The following STX8 variants were observed in gnomAD, a reference collection of about 807,000 sequenced individuals.
STX8 encodes syntaxin-8.
A neutral mutation model predicts 37.5 loss-of-function variants in STX8; 23 were observed. That is an observed-to-expected ratio of 0.61 (90% CI 0.44 to 0.87). The LOEUF (loss-of-function observed/expected upper bound fraction) is 0.87. Ranked by LOEUF, STX8 falls within the 40% of genes least tolerant of loss-of-function variation. The pLI is 0.00. For synonymous variants in STX8, 115 were observed against 99.1 expected (o/e 1.16, Z -0.95); for missense variants, 313 against 284.7 (o/e 1.10, Z -0.71).
At chr17:9,356,847 C>T in intron 7 of STX8, among the ~76,000 whole-genome samples, 1 of 152,006 alleles carries the variant, frequency 6.6e-6, no homozygotes, top group Non-Finnish European at 1.5e-5. Context: ...TGGTGTGCAG[C>T]AGCGCATTTG....
At chr17:9,427,733 G>C (rs1171572620) in intron 6 of STX8, among the ~76,000 whole-genome samples, 3 of 152,200 alleles carry the variant, frequency 2.0e-5, no homozygotes, top group African/African-American at 7.2e-5. Context: ...GGTGGACACA[G>C]AGGGAAGATG....
chr17:9,289,704 C>T (rs575480074), intron 7 of STX8, among the ~76,000 whole-genome samples: 352 of 151,690 alleles, frequency 2.3e-3, no homozygotes, highest in African/African-American at 6.9e-3. Flanking sequence ...GGCATGAACC[C>T]GGGAGGTGGA....
chr17:9,445,368 G>A (rs981213091), intron 6 of STX8, among the ~76,000 whole-genome samples: 1 of 151,446 alleles, frequency 6.6e-6, no homozygotes, highest in Non-Finnish European at 1.5e-5. Flanking sequence ...GAGTTTGTTT[G>A]GTAAAAAACA....
At chr17:9,566,085 C>G (rs12451106) in intron 2 of STX8, among the ~76,000 whole-genome samples, 101,938 of 151,808 alleles carry the variant, frequency 0.67, 37,353 homozygotes, top group East Asian at 0.98. Context: ...TAGCCAGTAT[C>G]TATAAGGAAC....
At chr17:9,379,244 CA>C (rs34928127) in intron 6 of STX8, among the ~76,000 whole-genome samples, 26,212 of 76,016 alleles carry the variant, frequency 0.34, 2,374 homozygotes, top group African/African-American at 0.4. Flanking sequence ...GACTCCATCT[CA>C]AAAAAAAAAA....
chr17:9,540,336 A>G (rs1418657306), intron 4 of STX8, among the ~76,000 whole-genome samples: 1 of 152,194 alleles, frequency 6.6e-6, no homozygotes, highest in African/African-American at 2.4e-5. Context: ...GGACTTTTCT[A>G]CATAGCTTAT....
intron 6 of STX8, among the ~76,000 whole-genome samples, chr17:9,457,773 T>C (rs1475812854): frequency 2.0e-5 from 3 of 152,262 alleles, no homozygotes; most frequent in Non-Finnish European, 4.4e-5. Context: ...GTGAGACACC[T>C]CTTTCTGGTC....
chr17:9,553,049 T>C (rs1906832297), intron 3 of STX8: 1 of 152,170 alleles, frequency 6.6e-6, no homozygotes. Flanking sequence ...TTAAAATAAG[T>C]AAAGGTGCTG....
intron 7 of STX8, among the ~76,000 whole-genome samples, chr17:9,278,401 A>G (rs1219952760): frequency 6.6e-6 from 1 of 152,092 alleles, no homozygotes; most frequent in Non-Finnish European, 1.5e-5. Context: ...ATGAGCTGAG[A>G]TCACGCCATT....
chr17:9,444,842 A>T (rs1331817829), intron 6 of STX8, among the ~76,000 whole-genome samples: 2 of 152,218 alleles, frequency 1.3e-5, no homozygotes, highest in African/African-American at 2.4e-5. Context: ...TTACCCCGGA[A>T]AAGAATTGAA....
intron 7 of STX8, among the ~76,000 whole-genome samples, chr17:9,374,816 C>G (rs567525578): frequency 6.3e-4 from 96 of 152,154 alleles, no homozygotes; most frequent in Middle Eastern, 3.4e-3. Context: ...GTAATCCCAG[C>G]ACTTTGGGAG....
At chr17:9,278,146 G>A (rs944369055) in intron 7 of STX8, among the ~76,000 whole-genome samples, 9 of 151,694 alleles carry the variant, frequency 5.9e-5, no homozygotes, top group African/African-American at 1.7e-4. Flanking sequence ...TGGAGACAGA[G>A]GGATTGAAAC....
chr17:9,465,976 C>T (rs1905595639), intron 6 of STX8, among the ~76,000 whole-genome samples: 4 of 147,152 alleles, frequency 2.7e-5, no homozygotes, highest in Admixed American at 1.4e-4. Flanking sequence ...TTTTAGTATT[C>T]TTTTTTTTTT....
chr17:9,442,197 C>CA, intron 6 of STX8, among the ~76,000 whole-genome samples: 1 of 152,330 alleles, frequency 6.6e-6, no homozygotes, highest in Non-Finnish European at 1.5e-5. Context: ...CTGCCTGAGG[C>CA]AGAACCCAAT....
intron 6 of STX8, among the ~76,000 whole-genome samples, chr17:9,457,649 T>A (rs1368989841): frequency 6.6e-6 from 1 of 152,272 alleles, no homozygotes; most frequent in Admixed American, 6.5e-5. Context: ...TCTGTGCTCT[T>A]CCAGCCTCAA....
intron 6 of STX8, among the ~76,000 whole-genome samples, chr17:9,407,443 T>G (rs1912840414): frequency 6.6e-6 from 1 of 152,120 alleles, no homozygotes; most frequent in African/African-American, 2.4e-5. Context: ...ACAATAGAAA[T>G]GTGTTGACAA....
intron 1 of STX8, among the ~76,000 whole-genome samples, chr17:9,570,303 C>G (rs1337365088): frequency 1.3e-5 from 2 of 151,930 alleles, no homozygotes; most frequent in East Asian, 3.9e-4. Context: ...TGACCTGAGC[C>G]AGGTCCTATA....
intron 7 of STX8, among the ~76,000 whole-genome samples, chr17:9,256,399 C>T (rs1906798892): frequency 6.6e-6 from 1 of 152,080 alleles, no homozygotes; most frequent in South Asian, 2.1e-4. Context: ...TTTCTCCCTC[C>T]CTCCTTCCCT....
intron 3 of STX8, among the ~76,000 whole-genome samples, chr17:9,547,790 TTTTTTTG>T (rs1236327890): frequency 7.1e-6 from 1 of 140,244 alleles, no homozygotes; most frequent in Non-Finnish European, 1.5e-5. Flanking sequence ...TTCTTTTTTT[TTTTTTTG>T]TTTTGTTTTG....
Sources: gnomAD v4.1 joint callset for allele counts (sites outside exome capture counted in the v4.1 genomes callset) on GRCh38, gnomAD v4.1.1 for gene constraint, MANE v1.5 for transcripts, NCBI Gene and HGNC (gene_info 2026-07-23, HGNC 2026-07-21) for gene names.